Variants in CNTN3 observed in about 807,000 individuals in gnomAD.
CNTN3 encodes the protein contactin 3.
Under a neutral mutation model 119.1 loss-of-function variants are expected in CNTN3, and 60 were observed. That is an observed-to-expected ratio of 0.50 (90% CI 0.41 to 0.62). The LOEUF is 0.62. CNTN3 is among the 20% of genes least tolerant of loss of function. CNTN3 has a pLI of 0.00. For missense variants in CNTN3, 1,101 were observed against 1,242.4 expected, an observed-to-expected ratio of 0.89 and a Z score of 1.71; for synonymous variants, 450 against 438.7, an observed-to-expected ratio of 1.03 and a Z score of -0.32.
intron 13 of CNTN3, among the ~76,000 whole-genome samples, chr3:74,310,989 T>G (rs956664675): frequency 6.6e-6 from 1 of 152,168 alleles, no homozygotes; most frequent in African/African-American, 2.4e-5. Flanking sequence ...GAGAGGACAG[T>G]GAGTTTAGGG....
intron 5 of CNTN3, among the ~76,000 whole-genome samples, chr3:74,388,789 G>C (rs951846125): frequency 2.6e-5 from 4 of 152,152 alleles, no homozygotes; most frequent in African/African-American, 9.7e-5. Context: ...ACCACAGGAA[G>C]TCCTGGATAA....
In CNTN3 at chr3:74,390,370, T is replaced by C. The variant is rs953708715; in HGVS notation, c.455-18971A>G. On this transcript the variant is annotated intron_variant, in intron 5 of 22. Coordinates refer to ENST00000263665, the MANE Select transcript of CNTN3 (RefSeq NM_020872.3). Reference sequence around the variant, plus strand: ...CTTTACCAGTCTGCTGAGAGTATGCTTTTTTTTTTTTTTTTTTTAGAAAAG... The same window carrying C: ...CTTTACCAGTCTGCTGAGAGTATGCCTTTTTTTTTTTTTTTTTTAGAAAAG... 6.5e-5 allele frequency among the ~76,000 whole-genome samples: 4 copies of C among 61,416 alleles called. No individual in the cohort carries two copies. In the East Asian group the frequency reaches 1.2e-3, roughly 18 times the overall value. The allele number at this position is 61,416 out of a possible 152,430, so 40.3% of individuals were successfully genotyped here.
chr3:74,449,620 C>T (rs187718905), intron 4 of CNTN3, among the ~76,000 whole-genome samples: 24 of 152,092 alleles, frequency 1.6e-4, no homozygotes, highest in African/African-American at 5.8e-4. Flanking sequence ...AGGACCACAC[C>T]TTTTGAAACT....
intron 1 of CNTN3, among the ~76,000 whole-genome samples, chr3:74,548,568 T>G (rs1480837762): frequency 6.6e-6 from 1 of 150,596 alleles, no homozygotes; most frequent in African/African-American, 2.5e-5. Flanking sequence ...AAATTTTAAT[T>G]TTTAATATTT....
At chr3:74,323,111 A>C (rs1703035745) in intron 13 of CNTN3, among the ~76,000 whole-genome samples, 1 of 152,156 alleles carries the variant, frequency 6.6e-6, no homozygotes, top group South Asian at 2.1e-4. Flanking sequence ...GCACAAGATG[A>C]AGAATGAACT....
At chr3:74,505,560 C>A (rs1470151544) in intron 2 of CNTN3, among the ~76,000 whole-genome samples, 1 of 151,238 alleles carries the variant, frequency 6.6e-6, no homozygotes, top group Admixed American at 6.6e-5. Flanking sequence ...AAAAGGCAAC[C>A]CAGAGCTCTC....
intron 5 of CNTN3, among the ~76,000 whole-genome samples, chr3:74,423,932 G>T (rs1253797686): frequency 8.5e-5 from 13 of 152,168 alleles, no homozygotes; most frequent in Non-Finnish European, 2.9e-5. Flanking sequence ...GGAAAGGACT[G>T]TAATTTGTAT....
Position 74,369,280 on chromosome 3 carries a change from G to T in CNTN3, c.855C>A (p.Pro285=), listed in dbSNP as rs1025779584. 4 of 1,611,282 alleles carry T rather than the reference G, an allele frequency of 2.5e-6. No homozygotes were observed. Among genetic ancestry groups the T allele is most frequent in the Non-Finnish European group, 3.4e-6 (4 of 1,178,630 alleles). Residue 285 remains proline (P), a synonymous_variant, in exon 8 of 23, where the codon CCC becomes CCA. Transcript: ENST00000263665. The part of the protein sequence containing the change: ...LRKFSGVLEI[P]NFQQEDAGSY... ...AACCTGCATCTTCCTGTTGGAAGTT[G>T]GGGATTTCAAGCACACCACTGAACT...
At chr3:74,610,152 A>G (rs1474078859) in intron 1 of CNTN3, among the ~76,000 whole-genome samples, 1 of 151,942 alleles carries the variant, frequency 6.6e-6, no homozygotes, top group African/African-American at 2.4e-5. Flanking sequence ...GTGAATTCCC[A>G]TCTCTACAAA....
At chr3:74,320,651 C>A (rs991714537) in intron 13 of CNTN3, among the ~76,000 whole-genome samples, 8 of 152,006 alleles carry the variant, frequency 5.3e-5, no homozygotes, top group African/African-American at 1.9e-4. Context: ...TAAAAAAATG[C>A]AGCTTTTCAA....
At chr3:74,391,565 T>C (rs1297988047) in intron 5 of CNTN3, among the ~76,000 whole-genome samples, 7 of 91,500 alleles carry the variant, frequency 7.7e-5, no homozygotes, top group Middle Eastern at 6.0e-3. Flanking sequence ...TTCTTTTTTT[T>C]TTTTTTTTTT....
chr3:74,349,973 A>G lies in CNTN3; in HGVS notation c.1364+11917T>C, dbSNP rs556640987. ...CAGATTCATTAACCTGCATTCCCCAAGGAAAATCACAACACTGACGAAATA... is the reference window on the plus strand; with the variant it reads ...CAGATTCATTAACCTGCATTCCCCAGGGAAAATCACAACACTGACGAAATA... On this transcript the variant is annotated intron_variant, in intron 11 of 22. Coordinates refer to ENST00000263665, the MANE Select transcript of CNTN3 (RefSeq NM_020872.3). Among the ~76,000 whole-genome samples, 9 of 152,354 alleles carry G rather than the reference A, an allele frequency of 5.9e-5. No homozygotes were observed. The East Asian group carries it at 1.7e-3, about 29-fold the overall frequency.
intron 1 of CNTN3, among the ~76,000 whole-genome samples, chr3:74,542,897 T>C (rs375553077): frequency 3.1e-4 from 47 of 152,250 alleles, no homozygotes; most frequent in African/African-American, 1.1e-3. Flanking sequence ...GGCTGGAGGA[T>C]TGCTTGAGGC....
chr3:74,485,130 T>G (rs958008247), intron 4 of CNTN3, among the ~76,000 whole-genome samples: 4 of 151,658 alleles, frequency 2.6e-5, no homozygotes, highest in African/African-American at 2.4e-5. Flanking sequence ...TTTATACATA[T>G]CCAAACATAT....
At chr3:74,373,890 A>G (rs971684435) in intron 5 of CNTN3, among the ~76,000 whole-genome samples, 4 of 152,122 alleles carry the variant, frequency 2.6e-5, no homozygotes, top group African/African-American at 4.8e-5. Context: ...CATGAAGTGG[A>G]TATGTACAAA....
chr3:74,321,793 G>T (rs889928471), intron 13 of CNTN3, among the ~76,000 whole-genome samples: 1 of 152,144 alleles, frequency 6.6e-6, no homozygotes, highest in African/African-American at 2.4e-5. Context: ...GAACCTAGAT[G>T]AAATGGATCA....
chr3:74,396,162 G>A (rs764485598), intron 5 of CNTN3, among the ~76,000 whole-genome samples: 18 of 152,092 alleles, frequency 1.2e-4, no homozygotes, highest in Non-Finnish European at 1.6e-4. Flanking sequence ...TGGCCTCTAA[G>A]TGTTCAAGTG....
intron 2 of CNTN3, among the ~76,000 whole-genome samples, chr3:74,511,160 G>C (rs938002331): frequency 6.6e-6 from 1 of 151,874 alleles, no homozygotes; most frequent in Non-Finnish European, 1.5e-5. Flanking sequence ...AAAAAATCCA[G>C]AGATTTAGGC....
At chr3:74,500,037 C>A (rs559055622) in intron 2 of CNTN3, among the ~76,000 whole-genome samples, 1 of 152,128 alleles carries the variant, frequency 6.6e-6, no homozygotes. Flanking sequence ...CATACCGCAG[C>A]AATTACTTTT....
Sources: allele counts gnomAD v4.1 joint callset (sites outside exome capture counted in the v4.1 genomes callset), GRCh38; gene constraint gnomAD v4.1.1; transcripts MANE v1.5; gene names NCBI Gene and HGNC (gene_info 2026-07-23, HGNC 2026-07-21).